Variants in GUCY1B1 observed in about 807,000 individuals in gnomAD.
GUCY1B1 encodes the protein guanylate cyclase 1 soluble subunit beta 1, also known as guanylate cyclase soluble subunit beta-1.
GUCY1B1 carries 43 observed loss-of-function variants against 71.0 expected under a neutral mutation model. The observed-to-expected ratio is 0.61, with a 90% CI of 0.47 to 0.78. The LOEUF (loss-of-function observed/expected upper bound fraction) is 0.78. Among genes scored for constraint, GUCY1B1 ranks in the 30% least tolerant of loss-of-function variants. The pLI, the probability that GUCY1B1 is intolerant of heterozygous loss-of-function variation, is 0.00. For synonymous variants in GUCY1B1, 266 were observed against 259.7 expected (o/e 1.02, Z -0.23); for missense variants, 535 against 754.1 (o/e 0.71, Z 3.40).
intron 1 of GUCY1B1, 44 bp from the exon 2 acceptor site, chr4:155,759,743 G>T (rs1371821849): frequency 2.7e-6 from 4 of 1,467,428 alleles, no homozygotes; most frequent in Non-Finnish European, 3.8e-6. Flanking sequence ...CGCTTCTCAG[G>T]TACAGCGGGT....
intron 13 of GUCY1B1, among the ~76,000 whole-genome samples, chr4:155,805,734 A>T (rs1368775362): frequency 6.6e-6 from 1 of 152,204 alleles, no homozygotes; most frequent in Non-Finnish European, 1.5e-5. Flanking sequence ...TCTCCTAGAT[A>T]GATGAGTGAT....
intron 3 of GUCY1B1, among the ~76,000 whole-genome samples, chr4:155,775,424 CTG>C (rs1320692579): frequency 2.0e-5 from 3 of 152,146 alleles, no homozygotes; most frequent in Non-Finnish European, 4.4e-5. Flanking sequence ...TCCCAAGTAA[CTG>C]GGACTACAGG....
At chr4:155,779,668 T>C in intron 4 of GUCY1B1, among the ~76,000 whole-genome samples, 1 of 152,338 alleles carries the variant, frequency 6.6e-6, no homozygotes, top group South Asian at 2.1e-4. Flanking sequence ...GTTAAAATAC[T>C]GCTTTTCTAA....
chr4:155,795,177 A>G (rs1307202756), intron 6 of GUCY1B1, among the ~76,000 whole-genome samples, 164 bp from the exon 7 acceptor site: 1 of 152,150 alleles, frequency 6.6e-6, no homozygotes, highest in Non-Finnish European at 1.5e-5. Flanking sequence ...AGTTGTATAG[A>G]TTGAGATTTG....
intron 4 of GUCY1B1, among the ~76,000 whole-genome samples, chr4:155,780,072 C>T (rs1004883994): frequency 6.6e-6 from 1 of 152,128 alleles, no homozygotes; most frequent in African/African-American, 2.4e-5. Flanking sequence ...CATCCTATAA[C>T]TCTAGTGCTT....
chr4:155,764,853 A>AT (rs1431141106), intron 2 of GUCY1B1, among the ~76,000 whole-genome samples: 2 of 152,196 alleles, frequency 1.3e-5, no homozygotes, highest in Non-Finnish European at 2.9e-5. Flanking sequence ...AACCTGGACC[A>AT]TGTCTGTGAG....
chr4:155,782,026 T>A (rs917336208), intron 4 of GUCY1B1, among the ~76,000 whole-genome samples: 10 of 152,138 alleles, frequency 6.6e-5, no homozygotes, highest in African/African-American at 2.4e-4. Context: ...AATGTGTGGT[T>A]CCATGCTATT....
intron 2 of GUCY1B1, among the ~76,000 whole-genome samples, chr4:155,761,493 T>A (rs58453105): frequency 0.016 from 2,361 of 152,308 alleles, 55 homozygotes; most frequent in African/African-American, 0.053. Flanking sequence ...AAACAGTCAT[T>A]ATGTAATTTA....
chr4:155,772,196 C>T (rs1026452961), intron 2 of GUCY1B1, among the ~76,000 whole-genome samples: 3 of 152,076 alleles, frequency 2.0e-5, no homozygotes, highest in African/African-American at 7.2e-5. Flanking sequence ...TTTTGTTTAA[C>T]AGCTGTTTAT....
chr4:155,785,956 A>G (rs1437916047), intron 4 of GUCY1B1, among the ~76,000 whole-genome samples: 1 of 152,106 alleles, frequency 6.6e-6, no homozygotes, highest in Non-Finnish European at 1.5e-5. Context: ...GAACATTCTC[A>G]TTTGGTGTTT....
chr4:155,776,380 A>G (rs188997350), intron 3 of GUCY1B1, among the ~76,000 whole-genome samples: 5 of 152,318 alleles, frequency 3.3e-5, no homozygotes, highest in African/African-American at 1.2e-4. Context: ...AAATTATTGC[A>G]TCCATATGTT....
rs1268138804 is a variant in GUCY1B1 at position 155,804,600 on chromosome 4, T to C, written c.1562T>C (p.Ile521Thr). The C allele has an allele frequency of 6.2e-7, 1 of 1,610,800 alleles. No homozygotes were observed. Among genetic ancestry groups the C allele is most frequent in the Non-Finnish European group, 8.5e-7 (1 of 1,177,996 alleles). The change falls in exon 12 of 14, where the codon ATA becomes ACA. Residue 521 changes from isoleucine (I) to threonine (T), a missense_variant. By Grantham distance (89) the Ile-to-Thr change is moderately conservative. Coordinates refer to ENST00000264424, the MANE Select transcript of GUCY1B1 (RefSeq NM_000857.5). The part of the protein sequence containing the change: ...QVDGESVQIT[I>T]GIHTGEVVTG... ...AAGCTTTCTTTTTTGCAGATAACAA[T>C]AGGGATACACACTGGAGAGGTAGTT...
chr4:155,783,402 A>T (rs979104844), intron 4 of GUCY1B1, among the ~76,000 whole-genome samples: 1 of 152,234 alleles, frequency 6.6e-6, no homozygotes, highest in African/African-American at 2.4e-5. Flanking sequence ...GGGCAAATGC[A>T]ATTTTAGAGA....
chr4:155,789,787 A>T lies in GUCY1B1; in HGVS notation c.371A>T (p.Asp124Val), dbSNP rs1739033948. The change falls in exon 5 of 14, where the codon GAT becomes GTT. Residue 124 changes from aspartate to valine, a missense_variant. Physicochemically the swap from Asp to Val is radical, Grantham distance 152 (BLOSUM62 -3). Transcript: ENST00000264424. ...GMRAPSFRCTDAEKGKGLILH... is the reference protein window; with the variant it reads ...GMRAPSFRCTVAEKGKGLILH... ...CGTGCACCTTCCTTTAGGTGCACTG[A>T]TGCAGAAAAGGGCAAAGGACTCATT... 1 of 1,609,030 alleles carries T rather than the reference A, an allele frequency of 6.2e-7. No individual in the cohort carries two copies. The highest frequency in any genetic ancestry group is 1.7e-5 in the Admixed American group (1 of 59,996).
chr4:155,777,714 T>C (rs1415805571), intron 4 of GUCY1B1, 72 bp downstream of exon 4: 2 of 778,104 alleles, frequency 2.6e-6, no homozygotes, highest in Non-Finnish European at 4.5e-6. Flanking sequence ...TAGAATACTT[T>C]TGTTCACTCA....
At chr4:155,785,516 G>A (rs1295701363) in intron 4 of GUCY1B1, among the ~76,000 whole-genome samples, 4 of 151,948 alleles carry the variant, frequency 2.6e-5, no homozygotes, top group African/African-American at 7.3e-5. Flanking sequence ...CAATGTGGAT[G>A]AACTATCATC....
Position 155,800,075 on chromosome 4 carries a change from G to C in GUCY1B1, c.1175+1G>C, listed in dbSNP as rs754412067. The C allele has an allele frequency of 3.1e-6, 5 of 1,597,018 alleles. No individual in the cohort carries two copies. Among genetic ancestry groups the C allele is most frequent in the Non-Finnish European group, 3.4e-6 (4 of 1,166,526 alleles). ...AAGATGAAAAGAAAAAGACAGACAC[G>C]TAAGAATGTAACGCTTGGAGCACTA... On this transcript the variant is annotated splice_donor_variant, in intron 9 of 13. Transcript: ENST00000264424. LOFTEE classifies it high-confidence loss of function.
rs1002957493 is a variant in GUCY1B1 at position 155,804,987 on chromosome 4, T to G, written c.1710-116T>G. ...TTGTTTCTAAAGCTTTGAGTTACCT[T>G]TCAGTACAACTTCAGCATTTGTTCT... On this transcript the variant is annotated intron_variant, in intron 12 of 13. Coordinates refer to ENST00000264424, the MANE Select transcript of GUCY1B1 (RefSeq NM_000857.5). 6 of 913,824 alleles carry G rather than the reference T, an allele frequency of 6.6e-6. No homozygotes were observed. In the African/African-American group the frequency reaches 8.3e-5, roughly 13 times the overall value. 56.6% of individuals were successfully genotyped at this position (913,824 alleles called of 1,614,324 possible).
intron 2 of GUCY1B1, among the ~76,000 whole-genome samples, chr4:155,768,450 T>C (rs1025855842): frequency 6.6e-5 from 8 of 120,978 alleles, no homozygotes; most frequent in Non-Finnish European, 1.1e-4. Flanking sequence ...GTTTGATTAC[T>C]TGTTTGTTTT....
Sources: allele counts gnomAD v4.1 joint callset (sites outside exome capture counted in the v4.1 genomes callset), GRCh38; gene constraint gnomAD v4.1.1; transcripts MANE v1.5; gene names NCBI Gene and HGNC (gene_info 2026-07-23, HGNC 2026-07-21).